PPARGC1A: variants seen among roughly 807,000 people sequenced by gnomAD.
PPARGC1A encodes the protein PPARG coactivator 1 alpha.
In PPARGC1A, 25 loss-of-function variants were observed where a neutral mutation model predicts 88.7. That is an observed-to-expected ratio of 0.28 (90% CI 0.21 to 0.39). The LOEUF (loss-of-function observed/expected upper bound fraction) is 0.39. PPARGC1A is among the 10% of genes least tolerant of loss of function. The pLI, the probability that PPARGC1A is intolerant of heterozygous loss-of-function variation, is 1.00. For missense variants in PPARGC1A, 880 were observed against 968.7 expected (o/e 0.91, Z 1.22); for synonymous variants, 363 against 355.6 (o/e 1.02, Z -0.24).
At chr4:24,301,934 C>T in the PPARGC1A span, among the ~76,000 whole-genome samples, 3 of 152,058 alleles carry the variant, frequency 2.0e-5, no homozygotes, top group Non-Finnish European at 2.9e-5. Flanking sequence ...TTTCTAAAAT[C>T]GCCCTGTCAG....
the PPARGC1A span, among the ~76,000 whole-genome samples, chr4:24,064,229 A>G: frequency 6.6e-6 from 1 of 152,180 alleles, no homozygotes; most frequent in Non-Finnish European, 1.5e-5. Context: ...GGGAAGAACA[A>G]TCAATGGTAA....
At chr4:23,863,592 G>T (rs973783672) in intron 2 of PPARGC1A, among the ~76,000 whole-genome samples, 2 of 152,092 alleles carry the variant, frequency 1.3e-5, no homozygotes, top group African/African-American at 4.8e-5. Context: ...TCTCTATCCT[G>T]TTCAGTTTTT....
chr4:24,432,637 C>T, the PPARGC1A span, among the ~76,000 whole-genome samples: 14 of 152,278 alleles, frequency 9.2e-5, no homozygotes, highest in East Asian at 2.3e-3. Flanking sequence ...TTCTTCTCTG[C>T]CCATAAGCAC....
chr4:24,241,221 A>G, the PPARGC1A span, among the ~76,000 whole-genome samples: 1 of 152,228 alleles, frequency 6.6e-6, no homozygotes, highest in South Asian at 2.1e-4. Context: ...AAATATCACA[A>G]AAGTTTAGTA....
upstream of PPARGC1A, chr4:23,903,934 A>T: frequency 1.4e-6 from 1 of 708,400 alleles, no homozygotes; most frequent in Non-Finnish European, 1.7e-6. Flanking sequence ...ATAAAACAAA[A>T]CCCACCTACC....
chr4:24,388,821 G>C, the PPARGC1A span, among the ~76,000 whole-genome samples: 1 of 152,078 alleles, frequency 6.6e-6, no homozygotes, highest in Non-Finnish European at 1.5e-5. Flanking sequence ...GCCTGTTGGA[G>C]GGTGGGGGGC....
the PPARGC1A span, among the ~76,000 whole-genome samples, chr4:24,443,669 C>G: frequency 7.2e-5 from 11 of 152,190 alleles, no homozygotes; most frequent in Middle Eastern, 6.8e-3. Context: ...GATTCTCCTG[C>G]CTCAGCTCCC....
the PPARGC1A span, among the ~76,000 whole-genome samples, chr4:24,197,969 T>C: frequency 6.6e-6 from 1 of 152,226 alleles, no homozygotes; most frequent in Non-Finnish European, 1.5e-5. Flanking sequence ...CTCTGGGATC[T>C]CTTTGCAGCC....
the PPARGC1A span, among the ~76,000 whole-genome samples, chr4:23,926,097 T>C: frequency 0.049 from 7,453 of 152,220 alleles, 283 homozygotes; most frequent in African/African-American, 0.1. Context: ...ATAATTCTGT[T>C]TTCAGCCCAC....
At chr4:24,380,009 C>T in the PPARGC1A span, among the ~76,000 whole-genome samples, 1 of 152,194 alleles carries the variant, frequency 6.6e-6, no homozygotes, top group Admixed American at 6.5e-5. Flanking sequence ...AACTCCTGAC[C>T]TCAGGTGATC....
At chr4:24,242,550 C>T in the PPARGC1A span, among the ~76,000 whole-genome samples, 1 of 152,212 alleles carries the variant, frequency 6.6e-6, no homozygotes, top group Non-Finnish European at 1.5e-5. Flanking sequence ...GAGTTTGTGG[C>T]TCTATCCTCA....
At chr4:24,198,676 A>G in the PPARGC1A span, among the ~76,000 whole-genome samples, 1 of 152,168 alleles carries the variant, frequency 6.6e-6, no homozygotes, top group African/African-American at 2.4e-5. Flanking sequence ...AGGCCAGGAC[A>G]TGGAAGCAGG....
At chr4:23,840,166 C>T (rs766980307) in intron 2 of PPARGC1A, among the ~76,000 whole-genome samples, 3 of 152,006 alleles carry the variant, frequency 2.0e-5, no homozygotes, top group Non-Finnish European at 4.4e-5. Context: ...CTTAAGAGTG[C>T]CTTACTAACC....
chr4:23,937,524 A>AAAAAAT, the PPARGC1A span, among the ~76,000 whole-genome samples: 1 of 152,040 alleles, frequency 6.6e-6, no homozygotes, highest in South Asian at 2.1e-4. Flanking sequence ...AAAATAAAAT[A>AAAAAAT]AAAAATAAAA....
the PPARGC1A span, among the ~76,000 whole-genome samples, chr4:24,384,121 T>C: frequency 6.6e-6 from 1 of 152,056 alleles, no homozygotes; most frequent in African/African-American, 2.4e-5. Context: ...GAATTTCATA[T>C]CCAGCCAAAC....
chr4:24,216,889 GCT>G, the PPARGC1A span, among the ~76,000 whole-genome samples: 1 of 152,122 alleles, frequency 6.6e-6, no homozygotes, highest in South Asian at 2.1e-4. Context: ...CATTGTTTAA[GCT>G]CTCTGTGTCT....
the PPARGC1A span, among the ~76,000 whole-genome samples, chr4:24,282,057 A>G: frequency 6.7e-6 from 1 of 150,082 alleles, no homozygotes; most frequent in African/African-American, 2.4e-5. Context: ...TTATTACATC[A>G]ATAAACATTT....
the PPARGC1A span, among the ~76,000 whole-genome samples, chr4:24,308,571 A>T: frequency 6.6e-6 from 1 of 152,092 alleles, no homozygotes; most frequent in Non-Finnish European, 1.5e-5. Flanking sequence ...ATGAAGCCAG[A>T]GGCTGCTCAA....
chr4:24,128,361 G>T, the PPARGC1A span, among the ~76,000 whole-genome samples: 3 of 152,120 alleles, frequency 2.0e-5, no homozygotes, highest in Non-Finnish European at 4.4e-5. Flanking sequence ...AAAACCCTTG[G>T]AACAGTGCCT....
Sources: gnomAD v4.1 joint callset for allele counts (sites outside exome capture counted in the v4.1 genomes callset) on GRCh38, gnomAD v4.1.1 for gene constraint, MANE v1.5 for transcripts, NCBI Gene and HGNC (gene_info 2026-07-23, HGNC 2026-07-21) for gene names.